Variants in ZNF43 observed in about 807,000 individuals in gnomAD.
The protein encoded by ZNF43 is zinc finger protein 43.
ZNF43 carries 44 observed loss-of-function variants against 68.4 expected under a neutral mutation model. The observed-to-expected ratio is 0.64, with a 90% CI of 0.51 to 0.83. The LOEUF (loss-of-function observed/expected upper bound fraction) is 0.83, where lower values mean the gene tolerates loss of function less well. ZNF43 is among the 40% of genes least tolerant of loss of function. The pLI, the probability that ZNF43 is intolerant of heterozygous loss-of-function variation, is 0.00. For missense variants in ZNF43, 896 were observed against 933.2 expected (o/e 0.96, Z 0.52); for synonymous variants, 308 against 307.8 (o/e 1.00, Z -0.01).
chr19:21,832,234 C>T (rs1251315534), intron 1 of ZNF43, among the ~76,000 whole-genome samples: 1 of 151,928 alleles, frequency 6.6e-6, no homozygotes, highest in Non-Finnish European at 1.5e-5. Flanking sequence ...ATGCCACACA[C>T]CTACAACCAT....
intron 3 of ZNF43, among the ~76,000 whole-genome samples, chr19:21,817,633 A>G (rs75290521): frequency 0.035 from 5,352 of 152,316 alleles, 177 homozygotes; most frequent in South Asian, 0.15. Flanking sequence ...AGTCTCTTAA[A>G]TGTCATGAAG....
chr19:21,844,111 G>A (rs888947818), intron 1 of ZNF43, among the ~76,000 whole-genome samples: 2 of 151,994 alleles, frequency 1.3e-5, no homozygotes, highest in Admixed American at 6.6e-5. Flanking sequence ...AACCATGATC[G>A]TACCTGCGGC....
At chr19:21,824,102 C>A (rs994942530) in intron 1 of ZNF43, among the ~76,000 whole-genome samples, 1 of 152,078 alleles carries the variant, frequency 6.6e-6, no homozygotes, top group Non-Finnish European at 1.5e-5. Context: ...GGGAGAATGA[C>A]ATGAACCCGG....
At chr19:21,839,931 AG>A (rs1967400368), upstream of ZNF43, 1 of 152,218 alleles carries the variant, frequency 6.6e-6, no homozygotes, top group Non-Finnish European at 1.5e-5. Context: ...AGCTGAATGT[AG>A]GTAGAAAAAG....
intron 1 of ZNF43, among the ~76,000 whole-genome samples, chr19:21,830,555 G>GAA (rs562293163): frequency 0.026 from 2,648 of 101,922 alleles, 107 homozygotes; most frequent in African/African-American, 0.086. Flanking sequence ...TCCAAAGACT[G>GAA]AAAAAAAAAA....
intron 1 of ZNF43, among the ~76,000 whole-genome samples, chr19:21,848,134 TTTGTTGTTG>T (rs139196924): frequency 4.0e-5 from 6 of 150,962 alleles, no homozygotes; most frequent in African/African-American, 7.3e-5. Flanking sequence ...TATGTAACAA[TTTGTTGTTG>T]TTGTTGTTGT....
At chr19:21,818,067 G>T in intron 2 of ZNF43, 81 bp from the exon 3 acceptor site, 1 of 1,383,946 alleles carries the variant, frequency 7.2e-7, no homozygotes, top group Non-Finnish European at 9.9e-7. Flanking sequence ...AGTATGAAGG[G>T]TGTGATAGAA....
chr19:21,814,925 T>C (rs2457802), intron 3 of ZNF43, among the ~76,000 whole-genome samples: 13,563 of 151,840 alleles, frequency 0.089, 857 homozygotes, highest in South Asian at 0.21. Context: ...CAGTGGCTCA[T>C]GCCTGTAATC....
upstream of ZNF43, chr19:21,836,348 C>T (rs1292490345): frequency 2.0e-6 from 2 of 1,010,824 alleles, no homozygotes; most frequent in Non-Finnish European, 2.6e-6. Context: ...GAAAGAATGA[C>T]AGCCTAGGCT....
chr19:21,819,015 T>A (rs2037663930), intron 2 of ZNF43, 80 bp downstream of exon 2: 1 of 1,531,662 alleles, frequency 6.5e-7, no homozygotes, highest in African/African-American at 1.4e-5. Context: ...AAAGTATAAA[T>A]TACCAAAAAA....
chr19:21,812,910 G>A (rs900919320), intron 3 of ZNF43, among the ~76,000 whole-genome samples: 4 of 150,150 alleles, frequency 2.7e-5, no homozygotes, highest in African/African-American at 9.9e-5. Flanking sequence ...TTCAGTCTGG[G>A]TGACAGAGTG....
chr19:21,813,595 A>G lies in ZNF43; in HGVS notation c.230-3788T>C, dbSNP rs138301820. ...TACCATATGACTCAACTTATTTGAG[A>G]TATCTTAAGTAGTCACACTCATAAA... On this transcript the variant is annotated intron_variant, in intron 3 of 3. Transcript: ENST00000354959. 4.5e-3 allele frequency among the ~76,000 whole-genome samples: 691 copies of G among 152,276 alleles called. 5 individuals are homozygous for G. Among genetic ancestry groups the G allele is most frequent in the African/African-American group, 0.016 (661 of 41,558 alleles).
intron 1 of ZNF43, among the ~76,000 whole-genome samples, chr19:21,828,399 G>C (rs1361470912): frequency 2.6e-5 from 4 of 152,008 alleles, no homozygotes; most frequent in Admixed American, 6.6e-5. Flanking sequence ...CTAACACGGT[G>C]AAACCCCATC....
chr19:21,847,584 C>T (rs1455671719), intron 1 of ZNF43, among the ~76,000 whole-genome samples: 1 of 152,054 alleles, frequency 6.6e-6, no homozygotes, highest in East Asian at 1.9e-4. Flanking sequence ...GTAGTCCCAG[C>T]TACTCAGGAG....
At chr19:21,829,032 CAAAAAAAAAAAAAAAAAAAA>C (rs551226809) in intron 1 of ZNF43, among the ~76,000 whole-genome samples, 5 of 38,810 alleles carry the variant, frequency 1.3e-4, no homozygotes, top group East Asian at 2.0e-3. Flanking sequence ...GACTCTGTCT[CAAAAAAAAAAAAAAAAAAAA>C]AAAAAAAAAA....
rs1421718336 is a variant in ZNF43, at chr19:21,835,218, C to G, written c.3+818G>C. Among the ~76,000 whole-genome samples the G allele has an allele frequency of 5.5e-4, 71 of 129,946 alleles. 1 individual carries two copies. The highest frequency in any genetic ancestry group is 2.1e-3 in the African/African-American group (71 of 34,236). 85.2% of individuals were successfully genotyped at this position (129,946 alleles called of 152,430 possible). A position where few individuals can be genotyped will look rare whatever the true frequency, so the allele number is the denominator to read the frequency against. On this transcript the variant is annotated intron_variant, in intron 1 of 3. Transcript: ENST00000354959. ...GAGCCGAGATAGCACCATTGCACTC[C>G]AGCCTGGGCAGCAAAAGCGAAAGTC...
intron 1 of ZNF43, 111 bp from the exon 2 acceptor site, chr19:21,819,332 G>T: frequency 8.0e-7 from 1 of 1,257,346 alleles, no homozygotes; most frequent in Non-Finnish European, 1.1e-6. Flanking sequence ...AACAGGTACT[G>T]ACTTATAGAA....
rs757531400 is a variant in ZNF43, at chr19:21,808,645, G to A, written c.1392C>T (p.Asn464=). The change falls in exon 4 of 4, where the codon AAC becomes AAT. Residue 464 remains asparagine (N), a synonymous_variant. Coordinates refer to ENST00000354959, the MANE Select transcript of ZNF43 (RefSeq NM_003423.4). ...YKCEVCGKAF[N]QFSNLTTHKR... is the part of the protein sequence containing the mutation. ...TATGTGTAGTAAGGTTTGAGAACTG[G>A]TTAAAGGCTTTGCCACATACTTCAC... 3 of 1,613,390 alleles carry A rather than the reference G, an allele frequency of 1.9e-6. No individual in the cohort carries two copies. Among genetic ancestry groups the A allele is most frequent in the Non-Finnish European group, 8.5e-7 (1 of 1,179,822 alleles).
chr19:21,849,000 A>G (rs1015594412), intron 1 of ZNF43, among the ~76,000 whole-genome samples: 16 of 152,170 alleles, frequency 1.1e-4, no homozygotes, highest in East Asian at 5.8e-4. Flanking sequence ...ATGTTCACAT[A>G]TAACAGCCAC....
Sources: allele counts gnomAD v4.1 joint callset (sites outside exome capture counted in the v4.1 genomes callset), GRCh38; gene constraint gnomAD v4.1.1; transcripts MANE v1.5; gene names NCBI Gene and HGNC (gene_info 2026-07-23, HGNC 2026-07-21).